Variants in GNAQ observed in about 807,000 individuals in gnomAD.
The protein encoded by GNAQ is guanine nucleotide-binding protein G(q) subunit alpha.
GNAQ carries 8 observed loss-of-function variants against 43.9 expected under a neutral mutation model. The observed-to-expected ratio is 0.18, with a 90% confidence interval of 0.11 to 0.33. The LOEUF (loss-of-function observed/expected upper bound fraction) is 0.33, where lower values mean the gene tolerates loss of function less well. Ranked by LOEUF, GNAQ falls within the 10% of genes least tolerant of loss-of-function variation. GNAQ has a pLI of 1.00. For synonymous variants in GNAQ, 155 were observed against 170.7 expected, an observed-to-expected ratio of 0.91 and a Z score of 0.71; for missense variants, 158 against 450.8, an observed-to-expected ratio of 0.35 and a Z score of 5.88.
chr9:77,930,198 A>G (rs1469088572), intron 1 of GNAQ, among the ~76,000 whole-genome samples: 1 of 151,972 alleles, frequency 6.6e-6, no homozygotes, highest in Non-Finnish European at 1.5e-5. Flanking sequence ...CCCATCCCCC[A>G]CCTCACTTTT....
chr9:77,991,853 A>G (rs1823512061), intron 1 of GNAQ, among the ~76,000 whole-genome samples: 3 of 152,242 alleles, frequency 2.0e-5, no homozygotes, highest in African/African-American at 7.2e-5. Flanking sequence ...TTCACTTAGA[A>G]TAACAGCCTC....
intron 5 of GNAQ, among the ~76,000 whole-genome samples, chr9:77,742,562 C>G (rs377634806): frequency 6.6e-6 from 1 of 151,234 alleles, no homozygotes; most frequent in Non-Finnish European, 1.5e-5. Context: ...TACTAAGTTA[C>G]GCAGTCAGAA....
chr9:78,013,118 T>C (rs1311852134), intron 1 of GNAQ, among the ~76,000 whole-genome samples: 1 of 152,120 alleles, frequency 6.6e-6, no homozygotes, highest in Non-Finnish European at 1.5e-5. Context: ...AAAGGAAATG[T>C]AAGTTAGAGC....
intron 2 of GNAQ, among the ~76,000 whole-genome samples, chr9:77,835,686 T>C (rs1256297656): frequency 1.3e-5 from 2 of 152,172 alleles, no homozygotes; most frequent in East Asian, 1.9e-4. Flanking sequence ...GTAATACTAT[T>C]AGACCCATTT....
At chr9:78,010,778 TC>T (rs1823764417) in intron 1 of GNAQ, among the ~76,000 whole-genome samples, 2 of 151,604 alleles carry the variant, frequency 1.3e-5, no homozygotes, top group African/African-American at 4.9e-5. Flanking sequence ...AGCGGCTGAG[TC>T]TACACACAGC....
chr9:78,009,795 A>G (rs900437346), intron 1 of GNAQ, among the ~76,000 whole-genome samples: 1 of 152,212 alleles, frequency 6.6e-6, no homozygotes, highest in African/African-American at 2.4e-5. Context: ...ATGAAATTCA[A>G]TAGCAGTAAA....
At chr9:77,769,726 G>A (rs181579275) in intron 5 of GNAQ, among the ~76,000 whole-genome samples, 15 of 148,242 alleles carry the variant, frequency 1.0e-4, no homozygotes, top group East Asian at 4.0e-4. Flanking sequence ...GTGCAGTGGC[G>A]CGATCTCCGC....
At chr9:77,955,870 A>C (rs1823034357) in intron 1 of GNAQ, among the ~76,000 whole-genome samples, 1 of 152,156 alleles carries the variant, frequency 6.6e-6, no homozygotes, top group Admixed American at 6.5e-5. Flanking sequence ...TTATCACATA[A>C]AGCTGTCTGA....
At chr9:77,730,441 G>A (rs1471915256) in intron 5 of GNAQ, among the ~76,000 whole-genome samples, 3 of 152,158 alleles carry the variant, frequency 2.0e-5, no homozygotes, top group Admixed American at 6.5e-5. Flanking sequence ...CTTTTACCAA[G>A]TACAATAATC....
intron 1 of GNAQ, among the ~76,000 whole-genome samples, chr9:77,975,146 T>A (rs1232565009): frequency 6.6e-6 from 1 of 152,188 alleles, no homozygotes; most frequent in Non-Finnish European, 1.5e-5. Flanking sequence ...TGTACATAAG[T>A]AACTCAACAC....
chr9:77,736,425 AT>A (rs919386966), intron 5 of GNAQ, among the ~76,000 whole-genome samples: 1 of 152,210 alleles, frequency 6.6e-6, no homozygotes, highest in Non-Finnish European at 1.5e-5. Flanking sequence ...CTGAATAGAT[AT>A]TATTTCCTTG....
chr9:77,857,511 AG>A (rs1355270795), intron 2 of GNAQ, among the ~76,000 whole-genome samples: 1 of 140,046 alleles, frequency 7.1e-6, no homozygotes, highest in Non-Finnish European at 1.6e-5. Context: ...ACAGGAAAGA[AG>A]GAAGGGAAGA....
chr9:78,027,141 G>C (rs1823992879), intron 1 of GNAQ, among the ~76,000 whole-genome samples: 1 of 152,100 alleles, frequency 6.6e-6, no homozygotes, highest in Admixed American at 6.5e-5. Context: ...TAATACACTG[G>C]TTCAATGTGT....
At chr9:77,964,038 G>A (rs1823136794) in intron 1 of GNAQ, among the ~76,000 whole-genome samples, 2 of 152,112 alleles carry the variant, frequency 1.3e-5, no homozygotes, top group African/African-American at 2.4e-5. Flanking sequence ...AAAGTGTCTC[G>A]AACGTGATGG....
chr9:77,727,910 C>A (rs1825422984), intron 6 of GNAQ, among the ~76,000 whole-genome samples: 1 of 152,140 alleles, frequency 6.6e-6, no homozygotes, highest in South Asian at 2.1e-4. Context: ...AAGGGAGACA[C>A]AGAGGGGACT....
chr9:77,948,605 G>A (rs927499953), intron 1 of GNAQ, among the ~76,000 whole-genome samples: 2 of 152,174 alleles, frequency 1.3e-5, no homozygotes, highest in Non-Finnish European at 2.9e-5. Flanking sequence ...GAAGTGGGCA[G>A]AGCACAGCAG....
intron 1 of GNAQ, among the ~76,000 whole-genome samples, chr9:77,944,251 A>C (rs1829355516): frequency 6.6e-6 from 1 of 151,870 alleles, no homozygotes; most frequent in Non-Finnish European, 1.5e-5. Context: ...TTACTTTCAT[A>C]ATCAAAAACT....
chr9:78,006,194 C>T (rs1384861309), intron 1 of GNAQ, among the ~76,000 whole-genome samples: 1 of 152,140 alleles, frequency 6.6e-6, no homozygotes, highest in Non-Finnish European at 1.5e-5. Flanking sequence ...GTGAAATATA[C>T]ATGCAATTTG....
intron 5 of GNAQ, among the ~76,000 whole-genome samples, chr9:77,757,531 C>A (rs1825923729): frequency 6.6e-6 from 1 of 152,212 alleles, no homozygotes; most frequent in African/African-American, 2.4e-5. Context: ...ACATCTGTAT[C>A]TCTTAGAGCC....
Sources: allele counts gnomAD v4.1 joint callset (sites outside exome capture counted in the v4.1 genomes callset), GRCh38; gene constraint gnomAD v4.1.1; transcripts MANE v1.5; gene names NCBI Gene and HGNC (gene_info 2026-07-23, HGNC 2026-07-21).